Variants in PPM1L observed in about 807,000 individuals in gnomAD.
The protein encoded by PPM1L is protein phosphatase, Mg2+/Mn2+ dependent 1L, also known as protein phosphatase 1L.
PPM1L carries 13 observed loss-of-function variants against 31.4 expected under a neutral mutation model. That is an observed-to-expected ratio of 0.41 (90% confidence interval 0.27 to 0.66). The LOEUF (loss-of-function observed/expected upper bound fraction) is 0.66. PPM1L is among the 30% of genes least tolerant of loss of function. The probability of loss-of-function intolerance (pLI) is 0.29; values close to 1 mark genes in which losing one functional copy is unlikely to be tolerated. For missense variants in PPM1L, 326 were observed against 453.7 expected, an observed-to-expected ratio of 0.72 and a Z score of 2.56; for synonymous variants, 184 against 175.4, an observed-to-expected ratio of 1.05 and a Z score of -0.39.
intron 1 of PPM1L, among the ~76,000 whole-genome samples, chr3:160,953,462 T>A (rs1715637257): frequency 6.6e-6 from 1 of 152,248 alleles, no homozygotes; most frequent in Non-Finnish European, 1.5e-5. Context: ...AGCCTGTTTT[T>A]ATTTTAAGTC....
intron 1 of PPM1L, among the ~76,000 whole-genome samples, chr3:160,921,444 T>A (rs1714399581): frequency 1.3e-5 from 2 of 152,242 alleles, no homozygotes; most frequent in African/African-American, 4.8e-5. Flanking sequence ...AGCTTCCAAC[T>A]CTAGTTTCTT....
At chr3:160,883,661 T>G (rs1488406720) in intron 1 of PPM1L, among the ~76,000 whole-genome samples, 1 of 151,828 alleles carries the variant, frequency 6.6e-6, no homozygotes, top group East Asian at 1.9e-4. Flanking sequence ...TTCCATAGGA[T>G]GTGGCACAGG....
intron 2 of PPM1L, among the ~76,000 whole-genome samples, chr3:160,967,959 G>T (rs1716209316): frequency 1.3e-5 from 2 of 152,012 alleles, no homozygotes; most frequent in Non-Finnish European, 2.9e-5. Context: ...TATAATATCT[G>T]CAAGGCTTCC....
chr3:161,034,701 A>T (rs896202566), intron 2 of PPM1L, among the ~76,000 whole-genome samples: 5 of 141,730 alleles, frequency 3.5e-5, no homozygotes, highest in African/African-American at 5.2e-5. Context: ...GGGGGGGTGG[A>T]GGACTAGGGG....
chr3:160,991,085 A>AT (rs1420223497), intron 2 of PPM1L, among the ~76,000 whole-genome samples: 1 of 152,040 alleles, frequency 6.6e-6, no homozygotes, highest in Admixed American at 6.6e-5. Context: ...GAGCTAAAAA[A>AT]AAAAAAAAGA....
At chr3:160,811,662 A>G (rs186356936) in intron 1 of PPM1L, among the ~76,000 whole-genome samples, 1 of 152,280 alleles carries the variant, frequency 6.6e-6, no homozygotes, top group East Asian at 1.9e-4. Flanking sequence ...AGTGTGGAAA[A>G]GGTATGGGCT....
chr3:160,969,030 G>C (rs1247599498), intron 2 of PPM1L, among the ~76,000 whole-genome samples: 1 of 152,208 alleles, frequency 6.6e-6, no homozygotes, highest in Non-Finnish European at 1.5e-5. Context: ...GGGAAGAAGA[G>C]AGCTCAGCTG....
At chr3:160,951,829 T>C (rs895482138) in intron 1 of PPM1L, among the ~76,000 whole-genome samples, 1 of 152,222 alleles carries the variant, frequency 6.6e-6, no homozygotes, top group Non-Finnish European at 1.5e-5. Context: ...TTCAAGTCTT[T>C]CACACACTGA....
chr3:160,832,651 C>T (rs75752343), intron 1 of PPM1L, among the ~76,000 whole-genome samples: 4,860 of 152,114 alleles, frequency 0.032, 242 homozygotes, highest in African/African-American at 0.11. Flanking sequence ...CCAGTGATAA[C>T]GTTCTGAATA....
intron 1 of PPM1L, among the ~76,000 whole-genome samples, chr3:160,957,450 C>T (rs1001478144): frequency 2.0e-5 from 3 of 152,116 alleles, no homozygotes; most frequent in African/African-American, 7.2e-5. Flanking sequence ...AATGGTATTT[C>T]TGTCTTTAGG....
rs546041424 is a variant in PPM1L, at chr3:160,838,193, T to C, written c.399+81486T>C. Among the ~76,000 whole-genome samples the C allele has an allele frequency of 2.6e-5, 4 of 152,290 alleles. No individual in the cohort carries two copies. In the South Asian group the frequency reaches 8.3e-4, roughly 32 times the overall value. ...CTGGCTGACTAACTTCCTTCCATGG[T>C]TATGAAGTAGTAGAGGGAATGGCAA... On this transcript the variant is annotated intron_variant, in intron 1 of 3. Coordinates refer to ENST00000498165, the MANE Select transcript of PPM1L (RefSeq NM_139245.4).
At chr3:161,022,233 A>C (rs970348741) in intron 2 of PPM1L, 1 of 627,360 alleles carries the variant, frequency 1.6e-6, no homozygotes, top group African/African-American at 1.9e-5. Flanking sequence ...ATTCTAAACT[A>C]ATTTCGATTT....
At chr3:160,911,095 T>C (rs1430846727) in intron 1 of PPM1L, among the ~76,000 whole-genome samples, 1 of 152,228 alleles carries the variant, frequency 6.6e-6, no homozygotes, top group East Asian at 1.9e-4. Context: ...GTATCAGGGA[T>C]ATGCATAGCT....
intron 2 of PPM1L, among the ~76,000 whole-genome samples, chr3:161,043,313 G>A (rs1718964907): frequency 6.6e-6 from 1 of 152,128 alleles, no homozygotes; most frequent in African/African-American, 2.4e-5. Context: ...ATGTTATGCA[G>A]TTGGGGATTT....
At position 161,073,154 on chromosome 3, in the gene PPM1L, G is replaced by A. The variant is rs1213136446; in HGVS notation, c.*3997G>A. 1.3e-5 allele frequency: 2 copies of A among 152,152 alleles called. No homozygotes were observed. Among genetic ancestry groups the A allele is most frequent in the Non-Finnish European group, 2.9e-5 (2 of 68,038 alleles). 9.4% of individuals were successfully genotyped at this position (152,152 alleles called of 1,614,324 possible). On this transcript the variant is annotated 3_prime_UTR_variant, in exon 4 of 4. Coordinates refer to ENST00000498165, the MANE Select transcript of PPM1L (RefSeq NM_139245.4). ...AGGATTCTAGGATGAAATAAGTTTGGAAAACACATACCATCTTAGAAAGTT... is the reference window on the plus strand; with the variant it reads ...AGGATTCTAGGATGAAATAAGTTTGAAAAACACATACCATCTTAGAAAGTT...
chr3:161,066,979 A>C (rs1176614601), intron 3 of PPM1L, among the ~76,000 whole-genome samples: 3 of 152,222 alleles, frequency 2.0e-5, no homozygotes, highest in African/African-American at 4.8e-5. Context: ...GATGAAACGA[A>C]TGATATTTTA....
chr3:161,074,364 T>A lies in PPM1L; in HGVS notation c.*5207T>A, dbSNP rs1720035664. The A allele has an allele frequency of 6.6e-6, 1 of 152,222 alleles. No individual in the cohort carries two copies. The highest frequency in any genetic ancestry group is 2.1e-4 in the South Asian group (1 of 4,832). 9.4% of individuals were successfully genotyped at this position (152,222 alleles called of 1,614,324 possible). On this transcript the variant is annotated 3_prime_UTR_variant, in exon 4 of 4. Transcript: ENST00000498165. ...CTGCAGAAATAGGTTTGGGAAGCTA[T>A]GAGAGATTACCCCAAAGTCATGGAT...
chr3:160,857,167 T>A (rs928272337), intron 1 of PPM1L, among the ~76,000 whole-genome samples: 11 of 152,208 alleles, frequency 7.2e-5, no homozygotes, highest in African/African-American at 2.2e-4. Context: ...TACGGAAATT[T>A]TTTTTGCTTC....
intron 1 of PPM1L, among the ~76,000 whole-genome samples, chr3:160,767,651 A>G (rs1576628847): frequency 6.6e-6 from 1 of 152,148 alleles, no homozygotes; most frequent in East Asian, 1.9e-4. Flanking sequence ...TATTGTTGCA[A>G]ATTTTGGTCA....
Sources: allele counts gnomAD v4.1 joint callset (sites outside exome capture counted in the v4.1 genomes callset), GRCh38; gene constraint gnomAD v4.1.1; transcripts MANE v1.5; gene names NCBI Gene and HGNC (gene_info 2026-07-23, HGNC 2026-07-21).